The following SHOC1 variants were observed in gnomAD, a reference collection of about 807,000 sequenced individuals.
SHOC1 encodes shortage in chiasmata 1, also known as protein shortage in chiasmata 1 ortholog.
A neutral mutation model predicts 179.2 loss-of-function variants in SHOC1; 136 were observed. The ratio of observed to expected loss-of-function variants is 0.76; its 90% CI spans 0.66 to 0.87. SHOC1 has a LOEUF of 0.87. Among genes scored for constraint, SHOC1 ranks in the 40% least tolerant of loss-of-function variants. SHOC1 has a pLI of 0.00. For synonymous variants in SHOC1, 489 were observed against 586.6 expected, an observed-to-expected ratio of 0.83 and a Z score of 2.41; for missense variants, 1,538 against 1,700.8, an observed-to-expected ratio of 0.90 and a Z score of 1.68.
Position 111,763,708 on chromosome 9 carries a change from C to A in SHOC1, c.443-4860G>T, listed in dbSNP as rs937107264. Among the ~76,000 whole-genome samples, 53 of 152,094 alleles carry A rather than the reference C, an allele frequency of 3.5e-4. 1 individual carries two copies. The highest frequency in any genetic ancestry group is 8.8e-5 in the Non-Finnish European group (6 of 67,998). ...GGAACGAAAAAACTGACTAAACTGG[C>A]AGCTACAAGGTTGAAGAAACAGGAG... On this transcript the variant is annotated intron_variant, in intron 5 of 27. Transcript: ENST00000682961.
intron 5 of SHOC1, among the ~76,000 whole-genome samples, chr9:111,765,136 G>A (rs1430156959): frequency 5.6e-5 from 8 of 141,860 alleles, no homozygotes; most frequent in African/African-American, 1.0e-4. Context: ...GCAAGACTCC[G>A]TCTCAAAAAA....
chr9:111,727,220 G>C (rs976925424), intron 13 of SHOC1, among the ~76,000 whole-genome samples: 1 of 152,086 alleles, frequency 6.6e-6, no homozygotes, highest in African/African-American at 2.4e-5. Flanking sequence ...AAACAATTAA[G>C]TAGACAGAAA....
chr9:111,781,753 T>TAAATAAA (rs1554724112), intron 3 of SHOC1, among the ~76,000 whole-genome samples: 1 of 151,724 alleles, frequency 6.6e-6, no homozygotes, highest in East Asian at 1.9e-4. Flanking sequence ...AATAAATAAA[T>TAAATAAA]TTGTATGTGT....
intron 5 of SHOC1, among the ~76,000 whole-genome samples, chr9:111,770,963 C>A (rs921651457): frequency 5.3e-5 from 8 of 151,922 alleles, no homozygotes; most frequent in African/African-American, 1.7e-4. Context: ...TTTTTTAATT[C>A]CTTCAGCCAT....
In SHOC1 at chr9:111,714,399, T is replaced by G. The variant is rs1048318790; in HGVS notation, c.2415+46A>C. ...TGCAAAAATGTATCTTACATCCAAT[T>G]CTTACTTAAACTGATTATTTTACCG... On this transcript the variant is annotated intron_variant, in intron 17 of 27. Transcript: ENST00000682961. The G allele has an allele frequency of 2.9e-5, 46 of 1,590,920 alleles. No individual in the cohort carries two copies. In the Admixed American group the frequency reaches 7.7e-4, roughly 27 times the overall value.
In SHOC1 at chr9:111,691,970, C is replaced by A; in HGVS notation, c.4007G>T (p.Gly1336Val). 6.2e-7 allele frequency: 1 copy of A among 1,613,600 alleles called. No homozygotes were observed. The highest frequency in any genetic ancestry group is 1.3e-5 in the African/African-American group (1 of 74,980). ...GTCCGATACATCTTTATTTATGAAA[C>A]CTTTTGCTTCATGTGTTCTCCTTTT... ...SQKRRTHEAK[G>V]FINKDVSDPI... The change falls in exon 27 of 28, where the codon GGT (glycine) becomes GTT (valine). Residue 1336 changes from glycine (G) to valine (V), a missense_variant. Coordinates refer to ENST00000682961, the MANE Select transcript of SHOC1 (RefSeq NM_001378211.1).
intron 16 of SHOC1, among the ~76,000 whole-genome samples, chr9:111,717,412 G>A (rs1469744000): frequency 6.6e-6 from 1 of 152,060 alleles, no homozygotes; most frequent in Non-Finnish European, 1.5e-5. Context: ...TGGCCAACGT[G>A]GTGAAACCCT....
At chr9:111,706,826 C>T in intron 19 of SHOC1, 80 bp from the exon 20 acceptor site, 1 of 989,820 alleles carries the variant, frequency 1.0e-6, no homozygotes, top group East Asian at 2.7e-5. Flanking sequence ...TGACTGTTTT[C>T]TGGCTGTTCC....
At chr9:111,780,413 T>C (rs1835994069) in intron 4 of SHOC1, among the ~76,000 whole-genome samples, 1 of 152,236 alleles carries the variant, frequency 6.6e-6, no homozygotes, top group Non-Finnish European at 1.5e-5. Context: ...TATTATGCTC[T>C]GGGTGCCTAT....
chr9:111,782,083 G>A (rs904618000), intron 3 of SHOC1, among the ~76,000 whole-genome samples: 1 of 152,138 alleles, frequency 6.6e-6, no homozygotes, highest in Admixed American at 6.5e-5. Flanking sequence ...GTGGTGGTGG[G>A]TGCCTGTAGT....
chr9:111,750,174 C>T (rs1273068140), intron 8 of SHOC1, among the ~76,000 whole-genome samples: 1 of 152,154 alleles, frequency 6.6e-6, no homozygotes, highest in Non-Finnish European at 1.5e-5. Context: ...TCCTTTTTCT[C>T]CACAACCTTA....
At chr9:111,758,237 T>A in intron 6 of SHOC1, 42 bp from the exon 7 acceptor site, 1 of 1,084,028 alleles carries the variant, frequency 9.2e-7, no homozygotes, top group Middle Eastern at 2.0e-4. Flanking sequence ...TAAAAGCAAG[T>A]TACATACTAA....
chr9:111,724,697 A>G, intron 13 of SHOC1, among the ~76,000 whole-genome samples: 1 of 151,924 alleles, frequency 6.6e-6, no homozygotes, highest in East Asian at 1.9e-4. Flanking sequence ...GGCATCTTCT[A>G]AAAAAAGTCA....
At chr9:111,737,565 C>T (rs1333675534) in intron 12 of SHOC1, among the ~76,000 whole-genome samples, 1 of 151,850 alleles carries the variant, frequency 6.6e-6, no homozygotes, top group Admixed American at 6.6e-5. Context: ...GAGGCTGAGG[C>T]AGGAGAATCA....
chr9:111,704,024 T>C, intron 21 of SHOC1, 32 bp from the exon 22 acceptor site: 1 of 1,156,204 alleles, frequency 8.6e-7, no homozygotes. Context: ...AGTGAAAAAA[T>C]GAAATGCTAA....
chr9:111,769,976 T>G (rs928943812), intron 5 of SHOC1, among the ~76,000 whole-genome samples: 6 of 35,500 alleles, frequency 1.7e-4, no homozygotes, highest in African/African-American at 3.9e-4. Flanking sequence ...TTATCTTCTG[T>G]TTTTTTTTTG....
chr9:111,718,293 G>T lies in SHOC1; in HGVS notation c.2132-5C>A. The T allele has an allele frequency of 6.4e-7, 1 of 1,557,850 alleles. No homozygotes were observed. ...TTTCTCTTTCATCAATTGTACCTAAGTAAGCAAAAATGTATTTTAAAACAT... is the reference window on the plus strand; with the variant it reads ...TTTCTCTTTCATCAATTGTACCTAATTAAGCAAAAATGTATTTTAAAACAT... On this transcript the variant is annotated splice_polypyrimidine_tract_variant and splice_region_variant and intron_variant, in intron 15 of 27. Coordinates refer to ENST00000682961, the MANE Select transcript of SHOC1 (RefSeq NM_001378211.1).
In SHOC1 at chr9:111,727,621, T is replaced by C; in HGVS notation, c.1834+12A>G. On this transcript the variant is annotated intron_variant, in intron 13 of 27. Transcript: ENST00000682961. ...TACCATATCTACGGCAAAATATTAT[T>C]AAATTACTTACCATGTTTTTCATCA... The C allele has an allele frequency of 6.5e-7, 1 of 1,545,546 alleles. No homozygotes were observed. Among genetic ancestry groups the C allele is most frequent in the Non-Finnish European group, 8.7e-7 (1 of 1,151,238 alleles).
chr9:111,775,829 C>T lies in SHOC1; in HGVS notation c.404G>A (p.Cys135Tyr), dbSNP rs777802541. 2.2e-5 allele frequency: 36 copies of T among 1,609,682 alleles called. No homozygotes were observed. Among genetic ancestry groups the T allele is most frequent in the Non-Finnish European group, 2.8e-5 (33 of 1,178,958 alleles). The change falls in exon 5 of 28, where the codon TGT (cysteine) becomes TAT (tyrosine). Residue 135 changes from cysteine to tyrosine, a missense_variant. Physicochemically the swap from Cys to Tyr is radical, Grantham distance 194. Coordinates refer to ENST00000682961, the MANE Select transcript of SHOC1 (RefSeq NM_001378211.1). ...TTGAAGTGCTGAACATTTTTCTAAA[C>T]AACTGACAGGGGTAAAGACTTCATT... ...DYNEVFTPVS[C>Y]LEKCSALQNQ...
Sources: allele counts gnomAD v4.1 joint callset (sites outside exome capture counted in the v4.1 genomes callset), GRCh38; gene constraint gnomAD v4.1.1; transcripts MANE v1.5; gene names NCBI Gene and HGNC (gene_info 2026-07-23, HGNC 2026-07-21).